The following EPHA6 variants were observed in gnomAD, a reference collection of about 807,000 sequenced individuals.
EPHA6 encodes the protein ephrin type-A receptor 6.
Under a neutral mutation model 112.0 loss-of-function variants are expected in EPHA6, and 50 were observed. That is an observed-to-expected ratio of 0.45 (90% CI 0.36 to 0.56). The LOEUF is 0.56. Ranked by LOEUF, EPHA6 falls within the 20% of genes least tolerant of loss-of-function variation. EPHA6 has a pLI of 0.00. For missense variants in EPHA6, 1,280 were observed against 1,417.4 expected, an observed-to-expected ratio of 0.90 and a Z score of 1.56; for synonymous variants, 529 against 490.7, an observed-to-expected ratio of 1.08 and a Z score of -1.03.
chr3:97,610,271 T>G (rs1002552524), intron 12 of EPHA6, among the ~76,000 whole-genome samples: 2 of 151,582 alleles, frequency 1.3e-5, no homozygotes, highest in African/African-American at 4.8e-5. Flanking sequence ...TAAAGGCCCT[T>G]AAAATCAGAC....
chr3:97,465,041 C>T (rs1044150903), intron 7 of EPHA6, among the ~76,000 whole-genome samples: 1 of 151,932 alleles, frequency 6.6e-6, no homozygotes, highest in South Asian at 2.1e-4. Flanking sequence ...TGGCAAATAC[C>T]CAGTTTGTCT....
intron 2 of EPHA6, among the ~76,000 whole-genome samples, chr3:96,906,790 G>A (rs556687712): frequency 1.3e-5 from 2 of 152,014 alleles, no homozygotes; most frequent in South Asian, 4.2e-4. Flanking sequence ...CCTAGAATTT[G>A]GGAAGGCAGT....
intron 3 of EPHA6, among the ~76,000 whole-genome samples, chr3:96,992,641 A>G (rs1032244302): frequency 3.3e-5 from 5 of 152,042 alleles, no homozygotes; most frequent in Non-Finnish European, 7.4e-5. Context: ...TATTGATTCT[A>G]AGGGGTTACT....
chr3:97,009,982 A>AT, intron 3 of EPHA6: 1 of 742,646 alleles, frequency 1.3e-6, no homozygotes, highest in South Asian at 1.5e-5. Flanking sequence ...CATGCTTATC[A>AT]TTGTTTTTTT....
chr3:97,558,950 A>G (rs1056366014), intron 11 of EPHA6, among the ~76,000 whole-genome samples: 4 of 152,072 alleles, frequency 2.6e-5, no homozygotes, highest in Admixed American at 6.6e-5. Flanking sequence ...GATAACTTAT[A>G]TAAATTGCCA....
intron 3 of EPHA6, among the ~76,000 whole-genome samples, chr3:97,147,290 C>T (rs1323114318): frequency 3.3e-5 from 5 of 152,034 alleles, no homozygotes; most frequent in Non-Finnish European, 5.9e-5. Context: ...TCATGAATGT[C>T]GGCCTTTGGA....
intron 11 of EPHA6, among the ~76,000 whole-genome samples, chr3:97,568,145 G>A (rs1311227370): frequency 6.6e-6 from 1 of 152,120 alleles, no homozygotes; most frequent in Non-Finnish European, 1.5e-5. Flanking sequence ...CTAGGCCCTG[G>A]AGGATAAGTC....
chr3:97,648,997 T>C (rs2107602756), intron 14 of EPHA6, among the ~76,000 whole-genome samples: 1 of 152,184 alleles, frequency 6.6e-6, no homozygotes, highest in South Asian at 2.1e-4. Context: ...TCTTTAAGAC[T>C]TGACCAAGCT....
intron 8 of EPHA6, among the ~76,000 whole-genome samples, chr3:97,478,600 T>A (rs1405467172): frequency 6.6e-6 from 1 of 152,098 alleles, no homozygotes; most frequent in African/African-American, 2.4e-5. Flanking sequence ...AAAAAAAATA[T>A]TTTGAAGTAT....
At chr3:97,688,654 A>G (rs923333274) in intron 14 of EPHA6, among the ~76,000 whole-genome samples, 31 of 151,978 alleles carry the variant, frequency 2.0e-4, no homozygotes, top group African/African-American at 6.5e-4. Context: ...TAGCACACCA[A>G]CATGGCACAT....
chr3:97,478,973 T>A (rs2091452775), intron 8 of EPHA6, among the ~76,000 whole-genome samples: 1 of 152,168 alleles, frequency 6.6e-6, no homozygotes, highest in Non-Finnish European at 1.5e-5. Flanking sequence ...TGACTCAAAA[T>A]GCTTTTTTTA....
rs2083534359 is a variant in EPHA6, at chr3:97,346,419, A to T, written c.1607-58731A>T. On this transcript the variant is annotated intron_variant, in intron 5 of 17. Coordinates refer to ENST00000389672, the MANE Select transcript of EPHA6 (RefSeq NM_001080448.3). ...TAATAAATGCCTTCAAACAGATATA[A>T]TAAGTGTCTTCAAAGTAGACGTTTA... Among the ~76,000 whole-genome samples the T allele has an allele frequency of 2.6e-5, 4 of 152,294 alleles. No homozygotes were observed. The South Asian group carries it at 8.3e-4, about 32-fold the overall frequency.
intron 5 of EPHA6, among the ~76,000 whole-genome samples, chr3:97,373,931 G>A (rs61606230): frequency 0.086 from 13,132 of 152,018 alleles, 1,738 homozygotes; most frequent in African/African-American, 0.29. Flanking sequence ...ACAAAAGAAA[G>A]TTCTACTTTA....
intron 3 of EPHA6, among the ~76,000 whole-genome samples, chr3:97,072,503 C>T (rs2046392364): frequency 6.6e-6 from 1 of 152,064 alleles, no homozygotes. Flanking sequence ...CCAACCCTGC[C>T]TACATCTTGA....
intron 3 of EPHA6, among the ~76,000 whole-genome samples, chr3:97,028,431 G>T (rs1559679578): frequency 6.6e-6 from 1 of 152,060 alleles, no homozygotes; most frequent in Admixed American, 6.6e-5. Context: ...TTCTTTAATA[G>T]GTGGTATGAT....
At chr3:97,422,342 A>T (rs1276464522) in intron 6 of EPHA6, among the ~76,000 whole-genome samples, 1 of 152,130 alleles carries the variant, frequency 6.6e-6, no homozygotes, top group African/African-American at 2.4e-5. Flanking sequence ...ATGTCAACCT[A>T]GGTAAGAAAA....
At chr3:97,027,675 C>G (rs1329505798) in intron 3 of EPHA6, among the ~76,000 whole-genome samples, 1 of 152,104 alleles carries the variant, frequency 6.6e-6, no homozygotes, top group Non-Finnish European at 1.5e-5. Flanking sequence ...TGTTTAATGT[C>G]CCAAACTCAA....
rs539779832 is a variant in EPHA6, at chr3:97,082,460, A to G, written c.1114+94467A>G. On this transcript the variant is annotated intron_variant, in intron 3 of 17. Coordinates refer to ENST00000389672, the MANE Select transcript of EPHA6 (RefSeq NM_001080448.3). ...AAATATCTTAAATTACCCTTTATCT[A>G]TTTAAAAAATTGTTTAGCATGTCAG... Among the ~76,000 whole-genome samples, 9 of 151,952 alleles carry G rather than the reference A, an allele frequency of 5.9e-5. No individual in the cohort carries two copies. In the East Asian group the frequency reaches 1.5e-3, roughly 26 times the overall value.
chr3:97,648,969 T>C (rs2107602718), intron 14 of EPHA6, among the ~76,000 whole-genome samples: 1 of 152,120 alleles, frequency 6.6e-6, no homozygotes, highest in Admixed American at 6.5e-5. Flanking sequence ...AGCCGAAAAA[T>C]TACTTACACT....
Sources: allele counts gnomAD v4.1 joint callset (sites outside exome capture counted in the v4.1 genomes callset), GRCh38; gene constraint gnomAD v4.1.1; transcripts MANE v1.5; gene names NCBI Gene and HGNC (gene_info 2026-07-23, HGNC 2026-07-21).